Variants in SNX6 observed in about 807,000 individuals in gnomAD.
The protein encoded by SNX6 is sorting nexin 6, also known as sorting nexin-6.
Under a neutral mutation model 63.0 loss-of-function variants are expected in SNX6, and 34 were observed. The observed-to-expected ratio is 0.54, with a 90% CI of 0.41 to 0.72. The LOEUF (loss-of-function observed/expected upper bound fraction) is 0.72. Ranked by LOEUF, SNX6 falls within the 30% of genes least tolerant of loss-of-function variation. SNX6 has a pLI of 0.00. For missense variants in SNX6, 398 were observed against 471.4 expected (o/e 0.84, Z 1.44); for synonymous variants, 170 against 164.2 (o/e 1.04, Z -0.27).
intron 13 of SNX6, among the ~76,000 whole-genome samples, chr14:34,566,827 C>G (rs969369813): frequency 8.6e-5 from 13 of 152,008 alleles, no homozygotes; most frequent in Non-Finnish European, 1.2e-4. Context: ...CCCAGCTACT[C>G]GGGAGGCTGA....
In SNX6 at chr14:34,609,794, A is replaced by AT. The variant is rs749246292; in HGVS notation, c.55-53dup. ...TGAAAATCATGTTTTATATAATTTC[A>AT]TTTTTTCTCTTAAGACAATGCAAAA... On this transcript the variant is annotated intron_variant, in intron 2 of 13. Transcript: ENST00000362031. The AT allele has an allele frequency of 6.3e-6, 8 of 1,273,602 alleles. No homozygotes were observed. In the African/African-American group the frequency reaches 9.0e-5, roughly 14 times the overall value. 78.9% of individuals were successfully genotyped at this position (1,273,602 alleles called of 1,614,324 possible).
At chr14:34,598,885 ACT>A (rs1400049415) in intron 6 of SNX6, among the ~76,000 whole-genome samples, 5 of 152,146 alleles carry the variant, frequency 3.3e-5, no homozygotes, top group South Asian at 4.2e-4. Flanking sequence ...ATACAGCAAG[ACT>A]CTGTCTCTTA....
At chr14:34,575,945 A>G (rs1881679714) in intron 10 of SNX6, 103 bp from the exon 11 acceptor site, 1 of 529,976 alleles carries the variant, frequency 1.9e-6, no homozygotes, top group East Asian at 4.8e-5. Flanking sequence ...TTTTTTTGAG[A>G]CGGAGTCTTG....
intron 2 of SNX6, among the ~76,000 whole-genome samples, chr14:34,612,821 G>T (rs955975447): frequency 4.0e-5 from 6 of 151,882 alleles, no homozygotes; most frequent in Non-Finnish European, 7.4e-5. Flanking sequence ...AGGCCGAAGT[G>T]AGTGGATCAC....
intron 11 of SNX6, among the ~76,000 whole-genome samples, chr14:34,568,277 C>A (rs1169931187): frequency 1.3e-5 from 2 of 150,496 alleles, no homozygotes; most frequent in African/African-American, 4.9e-5. Context: ...TGTCACCAGG[C>A]TGGAGTGCAG....
Position 34,562,679 on chromosome 14 carries a change from A to T in SNX6, c.*443T>A, listed in dbSNP as rs1237888701. The T allele has an allele frequency of 1.9e-5, 3 of 154,360 alleles. No homozygotes were observed. Among genetic ancestry groups the T allele is most frequent in the African/African-American group, 7.2e-5 (3 of 41,522 alleles). The allele number at this position is 154,360 out of a possible 1,614,324, so 9.6% of individuals were successfully genotyped here. A position where few individuals can be genotyped will look rare whatever the true frequency, so the allele number is the denominator to read the frequency against. On this transcript the variant is annotated 3_prime_UTR_variant, in exon 14 of 14. Transcript: ENST00000362031. ...CTTTACCAGGATACATGAATGAACT[A>T]AGGTGGTATATGCTTTTAAAAACAA...
chr14:34,587,659 T>C (rs1882229851), intron 8 of SNX6, among the ~76,000 whole-genome samples: 1 of 150,750 alleles, frequency 6.6e-6, no homozygotes, highest in African/African-American at 2.4e-5. Flanking sequence ...GGAGACAGGG[T>C]CTCACTCTGT....
intron 2 of SNX6, among the ~76,000 whole-genome samples, chr14:34,623,760 A>G (rs1413705248): frequency 1.3e-5 from 2 of 152,218 alleles, no homozygotes; most frequent in Admixed American, 6.5e-5. Flanking sequence ...AAGATAAGGA[A>G]TACAAAGGTA....
intron 5 of SNX6, chr14:34,604,360 T>C (rs972394163): frequency 6.5e-6 from 7 of 1,071,890 alleles, no homozygotes; most frequent in Non-Finnish European, 8.2e-6. Flanking sequence ...CAATTTTCAG[T>C]CTTATAAACT....
At position 34,629,912 on chromosome 14, in the gene SNX6, G is replaced by C; in HGVS notation, c.49C>G (p.Arg17Gly). The C allele has an allele frequency of 6.4e-7, 1 of 1,556,370 alleles. No homozygotes were observed. Among genetic ancestry groups the C allele is most frequent in the Non-Finnish European group, 8.7e-7 (1 of 1,151,278 alleles). Residue 17 changes from arginine (R) to glycine (G), a missense_variant, in exon 2 of 14, where the codon CGC becomes GGC. By Grantham distance (125) the Arg-to-Gly change is moderately radical. Transcript: ENST00000362031. ...DGPDFLSEED[R>G]GLKAINVDLQ... ...GAAAGGAAGGCAGAACTTACTCCGC[G>C]GTCCTCTTCTGAGAGGAAGTCCGGG...
At position 34,604,189 on chromosome 14, in the gene SNX6, A is replaced by G. The variant is rs571649916; in HGVS notation, c.393-718T>C. The stretch of plus-strand genomic sequence containing the variant: ...AAGTTTGATCTCTGTGAGGGTAGTC[A>G]TTCAGTGAAGACAAAAAAGAAGGAT... On this transcript the variant is annotated intron_variant, in intron 5 of 13. Coordinates refer to ENST00000362031, the MANE Select transcript of SNX6 (RefSeq NM_152233.4). 3.9e-5 allele frequency: 50 copies of G among 1,288,782 alleles called. No homozygotes were observed. The East Asian group carries it at 2.3e-3, about 59-fold the overall frequency. 79.8% of individuals were successfully genotyped at this position (1,288,782 alleles called of 1,614,324 possible).
intron 2 of SNX6, among the ~76,000 whole-genome samples, chr14:34,617,694 G>C (rs556059011): frequency 2.6e-5 from 4 of 151,694 alleles, no homozygotes; most frequent in Non-Finnish European, 5.9e-5. Context: ...GGCTGAGGCA[G>C]GCGGATCACG....
intron 10 of SNX6, 22 bp downstream of exon 10, chr14:34,581,539 A>T: frequency 7.6e-7 from 1 of 1,318,680 alleles, no homozygotes; most frequent in Non-Finnish European, 1.1e-6. Flanking sequence ...TATGCAGTAT[A>T]TCTCTATAAT....
chr14:34,574,342 A>AG (rs1881591667), intron 11 of SNX6, among the ~76,000 whole-genome samples: 1 of 151,302 alleles, frequency 6.6e-6, no homozygotes, highest in Admixed American at 6.6e-5. Context: ...CCTCAAAAAA[A>AG]AAAAAAAGAG....
Position 34,630,130 on chromosome 14 carries a change from C to A in SNX6, c.-14G>T. 2 of 1,333,002 alleles carry A rather than the reference C, an allele frequency of 1.5e-6. No individual in the cohort carries two copies. Among genetic ancestry groups the A allele is most frequent in the Non-Finnish European group, 1.9e-6 (2 of 1,047,512 alleles). The allele number at this position is 1,333,002 out of a possible 1,614,324, so 82.6% of individuals were successfully genotyped here. A position where few individuals can be genotyped will look rare whatever the true frequency, so the allele number is the denominator to read the frequency against. ...ACCCACCATCATGGCTGCTCCGAGG[C>A]GAGGGCCGGCGCAGGCGCGCATCTC... On this transcript the variant is annotated 5_prime_UTR_variant, in exon 1 of 14. Transcript: ENST00000362031.
intron 11 of SNX6, chr14:34,568,904 T>C: frequency 1.6e-6 from 2 of 1,250,974 alleles, no homozygotes; most frequent in Non-Finnish European, 2.4e-6. Context: ...ATCTTGGTCA[T>C]GGAGCCAACC....
chr14:34,595,967 C>G (rs1023191231), intron 7 of SNX6, among the ~76,000 whole-genome samples: 3 of 152,122 alleles, frequency 2.0e-5, no homozygotes, highest in Non-Finnish European at 4.4e-5. Flanking sequence ...CGCCTGTAAT[C>G]CCAGCACTTT....
chr14:34,563,548 G>C (rs1881027528), intron 13 of SNX6, among the ~76,000 whole-genome samples: 1 of 143,744 alleles, frequency 7.0e-6, no homozygotes, highest in Non-Finnish European at 1.5e-5. Context: ...GAAAGAGTGA[G>C]ACTGCGTCTC....
intron 2 of SNX6, among the ~76,000 whole-genome samples, chr14:34,610,840 C>T (rs549120314): frequency 2.6e-5 from 4 of 152,126 alleles, no homozygotes; most frequent in Non-Finnish European, 5.9e-5. Context: ...GTTTCAAAGA[C>T]AGTACTCTAG....
Sources: allele counts gnomAD v4.1 joint callset (sites outside exome capture counted in the v4.1 genomes callset), GRCh38; gene constraint gnomAD v4.1.1; transcripts MANE v1.5; gene names NCBI Gene and HGNC (gene_info 2026-07-23, HGNC 2026-07-21).